Variants in PRLR observed in about 807,000 individuals in gnomAD.
PRLR encodes prolactin receptor.
PRLR carries 13 observed loss-of-function variants against 40.2 expected under a neutral mutation model. That is an observed-to-expected ratio of 0.32 (90% CI 0.21 to 0.51). PRLR has a LOEUF of 0.51. Ranked by LOEUF, PRLR falls within the 20% of genes least tolerant of loss-of-function variation. PRLR has a pLI of 0.97. For synonymous variants in PRLR, 269 were observed against 278.7 expected, an observed-to-expected ratio of 0.97 and a Z score of 0.35; for missense variants, 656 against 747.3, an observed-to-expected ratio of 0.88 and a Z score of 1.42.
intron 1 of PRLR, among the ~76,000 whole-genome samples, chr5:35,149,076 C>A (rs968603885): frequency 4.6e-5 from 7 of 152,156 alleles, no homozygotes. Context: ...GTGCCTTGGA[C>A]TCTAAAGCAC....
intron 1 of PRLR, among the ~76,000 whole-genome samples, chr5:35,161,566 C>T (rs898090189): frequency 5.9e-5 from 9 of 152,154 alleles, no homozygotes; most frequent in African/African-American, 1.9e-4. Flanking sequence ...AAAGTGAATT[C>T]AAAAATCAAA....
In PRLR at chr5:35,065,665, G is replaced by A; in HGVS notation, c.1293C>T (p.His431=). 1 of 1,614,164 alleles carries A rather than the reference G, an allele frequency of 6.2e-7. No homozygotes were observed. Among genetic ancestry groups the A allele is most frequent in the Non-Finnish European group, 8.5e-7 (1 of 1,180,026 alleles). The change falls in exon 10 of 10, where the codon CAC becomes CAT. Residue 431 remains histidine (H), a synonymous_variant. Transcript: ENST00000618457. ...PSQHNPRSSY[H]NITDVCELAV... is the part of the protein sequence containing the mutation. ...CCAGCTCACACACATCAGTAATATTGTGGTAAGAGGATCTGGGGTTGTGCT... is the reference window on the plus strand; with the variant it reads ...CCAGCTCACACACATCAGTAATATTATGGTAAGAGGATCTGGGGTTGTGCT...
intron 1 of PRLR, among the ~76,000 whole-genome samples, chr5:35,222,696 C>G (rs1421665891): frequency 6.6e-6 from 1 of 152,172 alleles, no homozygotes; most frequent in Non-Finnish European, 1.5e-5. Context: ...CTAACACCAA[C>G]AGGAGAGTGG....
At chr5:35,173,097 C>T (rs1478458883) in intron 1 of PRLR, among the ~76,000 whole-genome samples, 1 of 152,046 alleles carries the variant, frequency 6.6e-6, no homozygotes, top group Non-Finnish European at 1.5e-5. Flanking sequence ...ACATCTTGTT[C>T]CCACCCTTTG....
chr5:35,185,927 G>A (rs775108884), intron 1 of PRLR, among the ~76,000 whole-genome samples: 107 of 152,270 alleles, frequency 7.0e-4, no homozygotes, highest in Non-Finnish European at 9.8e-4. Flanking sequence ...TCTCTGATTC[G>A]TCGAATGTCG....
intron 1 of PRLR, among the ~76,000 whole-genome samples, chr5:35,178,861 G>C (rs878903280): frequency 1.3e-5 from 2 of 152,140 alleles, no homozygotes; most frequent in Non-Finnish European, 2.9e-5. Context: ...TTCTATCTGT[G>C]TAAATACAGA....
At chr5:35,229,598 G>C (rs1240341834) in intron 1 of PRLR, among the ~76,000 whole-genome samples, 1 of 151,964 alleles carries the variant, frequency 6.6e-6, no homozygotes, top group Admixed American at 6.6e-5. Context: ...TCTCCTTCCA[G>C]CTTCCTCCCG....
At chr5:35,111,844 G>C (rs1772679992) in intron 2 of PRLR, among the ~76,000 whole-genome samples, 1 of 152,158 alleles carries the variant, frequency 6.6e-6, no homozygotes, top group Admixed American at 6.5e-5. Flanking sequence ...TATATATTGG[G>C]AGTAGTTGTT....
intron 1 of PRLR, among the ~76,000 whole-genome samples, chr5:35,228,255 C>CAAAAAAAAA (rs1561375681): frequency 4.7e-5 from 3 of 63,202 alleles, no homozygotes; most frequent in Non-Finnish European, 3.8e-5. Context: ...AAAAAAAAAG[C>CAAAAAAAAA]AGCATTATTT....
chr5:35,115,050 A>G (rs2111685100), intron 2 of PRLR, among the ~76,000 whole-genome samples: 1 of 152,336 alleles, frequency 6.6e-6, no homozygotes, highest in Non-Finnish European at 1.5e-5. Context: ...CACGATAGAA[A>G]TGTCCAATGG....
intron 1 of PRLR, among the ~76,000 whole-genome samples, chr5:35,165,121 T>G (rs1241464255): frequency 6.6e-6 from 1 of 152,222 alleles, no homozygotes; most frequent in African/African-American, 2.4e-5. Context: ...ACTTAGAGAC[T>G]CAAGGAGAAT....
intron 1 of PRLR, among the ~76,000 whole-genome samples, chr5:35,162,923 C>A (rs1774718017): frequency 6.6e-6 from 1 of 152,162 alleles, no homozygotes; most frequent in South Asian, 2.1e-4. Flanking sequence ...GTTAATTTGC[C>A]TCTATTTTCT....
intron 2 of PRLR, among the ~76,000 whole-genome samples, chr5:35,116,639 A>C (rs1312268017): frequency 6.6e-6 from 1 of 152,162 alleles, no homozygotes; most frequent in Non-Finnish European, 1.5e-5. Context: ...AGCATGAGGC[A>C]TTTGGCATGA....
chr5:35,049,556 T>A (rs950292824), intron 8 of PRLR: 34 of 595,676 alleles, frequency 5.7e-5, no homozygotes, highest in Middle Eastern at 8.5e-4. Context: ...AGCCTAGAAT[T>A]GCATAAAGAA....
At chr5:35,212,308 G>A (rs1776190075) in intron 1 of PRLR, among the ~76,000 whole-genome samples, 1 of 152,236 alleles carries the variant, frequency 6.6e-6, no homozygotes, top group Non-Finnish European at 1.5e-5. Context: ...TGGTGAGTTA[G>A]CAGGTTTTTG....
chr5:35,224,743 G>A (rs1489886739), intron 1 of PRLR, among the ~76,000 whole-genome samples: 1 of 152,148 alleles, frequency 6.6e-6, no homozygotes, highest in Non-Finnish European at 1.5e-5. Context: ...AAGGGAGAGA[G>A]AGGGTAACAT....
chr5:35,194,382 C>T (rs1775681525), intron 1 of PRLR, among the ~76,000 whole-genome samples: 1 of 152,214 alleles, frequency 6.6e-6, no homozygotes, highest in Admixed American at 6.5e-5. Flanking sequence ...TGCCTTACCC[C>T]AGGTTAGGCC....
chr5:35,077,442 C>G (rs1770185709), intron 5 of PRLR, among the ~76,000 whole-genome samples: 1 of 152,078 alleles, frequency 6.6e-6, no homozygotes, highest in Admixed American at 6.5e-5. Context: ...CAACAAAGAT[C>G]AAAAGAGACA....
intron 1 of PRLR, among the ~76,000 whole-genome samples, chr5:35,225,711 T>C (rs972438674): frequency 2.0e-5 from 3 of 152,250 alleles, no homozygotes; most frequent in African/African-American, 7.2e-5. Flanking sequence ...AGACGGAGTC[T>C]CACTCTTTCA....
Sources: gnomAD v4.1 joint callset for allele counts (sites outside exome capture counted in the v4.1 genomes callset) on GRCh38, gnomAD v4.1.1 for gene constraint, MANE v1.5 for transcripts, NCBI Gene and HGNC (gene_info 2026-07-23, HGNC 2026-07-21) for gene names.